The following LRBA variants were observed in gnomAD, a reference collection of about 807,000 sequenced individuals.
LRBA encodes lipopolysaccharide-responsive and beige-like anchor protein.
Under a neutral mutation model 330.0 loss-of-function variants are expected in LRBA, and 176 were observed. The observed-to-expected ratio is 0.53, with a 90% CI of 0.47 to 0.60. LRBA has a LOEUF of 0.60. LRBA is among the 20% of genes least tolerant of loss of function. The pLI, the probability that LRBA is intolerant of heterozygous loss-of-function variation, is 0.00. For missense variants in LRBA, 3,259 were observed against 3,444.8 expected, an observed-to-expected ratio of 0.95 and a Z score of 1.35; for synonymous variants, 1,230 against 1,193.0, an observed-to-expected ratio of 1.03 and a Z score of -0.64.
At chr4:150,919,781 G>A (rs528660332) in intron 5 of LRBA, among the ~76,000 whole-genome samples, 2 of 152,194 alleles carry the variant, frequency 1.3e-5, no homozygotes, top group Non-Finnish European at 2.9e-5. Flanking sequence ...TTTAAGGAAA[G>A]GAAGTCACTA....
Position 150,467,704 on chromosome 4 carries a change from G to C in LRBA, c.6749C>G (p.Thr2250Ser). 6.2e-7 allele frequency: 1 copy of C among 1,606,688 alleles called. No homozygotes were observed. The highest frequency in any genetic ancestry group is 8.5e-7 in the Non-Finnish European group (1 of 1,174,714). Reference protein sequence around the residue: ...TNYESEELDLTLPTNFRDLSK... With the variant: ...TNYESEELDLSLPTNFRDLSK... ...CAAATCTCTGAAGTTGGTGGGCAAG[G>C]TAAGATCCAGTTCTTCTGATTCATA... Residue 2250 changes from threonine to serine, a missense_variant, in exon 44 of 57, where the codon ACC becomes AGC. By Grantham distance (58) the Thr-to-Ser change is moderately conservative. Transcript: ENST00000651943.
rs70937395 is a variant in LRBA at position 150,371,182 on chromosome 4, A to ATTTTTTTTTTTTTTTT, written c.7195-21039_7195-21024dup. On this transcript the variant is annotated intron_variant, in intron 47 of 56. Coordinates refer to ENST00000651943, the MANE Select transcript of LRBA (RefSeq NM_001364905.1). ...AAAAGCATGAGCTGCAAGCTACTAA[A>ATTTTTTTTTTTTTTTT]TTTTTTTTTTTTTTTTTTTTTTTTT... Among the ~76,000 whole-genome samples the ATTTTTTTTTTTTTTTT allele has an allele frequency of 1.5e-4, 14 of 91,926 alleles. 1 individual carries two copies. Among genetic ancestry groups the ATTTTTTTTTTTTTTTT allele is most frequent in the African/African-American group, 3.8e-4 (8 of 20,826 alleles). 60.3% of individuals were successfully genotyped at this position (91,926 alleles called of 152,430 possible). A position where few individuals can be genotyped will look rare whatever the true frequency, so the allele number is the denominator to read the frequency against.
chr4:150,831,715 G>A lies in LRBA; in HGVS notation c.4729+102C>T, dbSNP rs957875649. 6.7e-6 allele frequency: 6 copies of A among 894,668 alleles called. No individual in the cohort carries two copies. In the African/African-American group the frequency reaches 1.0e-4, roughly 16 times the overall value. 55.4% of individuals were successfully genotyped at this position (894,668 alleles called of 1,614,324 possible). On this transcript the variant is annotated intron_variant, in intron 29 of 56. Transcript: ENST00000651943. ...ATATATGTATGCTCTCCCTTAATTT[G>A]CACAGAAATGGATTTAAATTCCAAT...
At chr4:150,723,310 A>G (rs1729186524) in intron 36 of LRBA, among the ~76,000 whole-genome samples, 1 of 152,170 alleles carries the variant, frequency 6.6e-6, no homozygotes, top group Non-Finnish European at 1.5e-5. Flanking sequence ...CTTCTGCTTA[A>G]TGAGAGGAGA....
chr4:150,384,166 G>A (rs1292065679), intron 47 of LRBA, among the ~76,000 whole-genome samples: 1 of 151,982 alleles, frequency 6.6e-6, no homozygotes, highest in Admixed American at 6.6e-5. Flanking sequence ...AGTCTTCCGA[G>A]TAGCTGGGAT....
intron 37 of LRBA, among the ~76,000 whole-genome samples, chr4:150,613,618 A>AT (rs377570477): frequency 1.3e-5 from 2 of 152,112 alleles, no homozygotes; most frequent in Non-Finnish European, 1.5e-5. Flanking sequence ...CCTATGTGTG[A>AT]TTTTTTTCAG....
intron 37 of LRBA, among the ~76,000 whole-genome samples, chr4:150,616,999 C>T (rs1192430693): frequency 6.6e-6 from 1 of 152,170 alleles, no homozygotes; most frequent in East Asian, 1.9e-4. Context: ...GTTCATTAAC[C>T]TGCAAAGGCA....
At chr4:150,609,218 G>C (rs116090875) in intron 37 of LRBA, among the ~76,000 whole-genome samples, 1 of 152,192 alleles carries the variant, frequency 6.6e-6, no homozygotes, top group South Asian at 2.1e-4. Flanking sequence ...TCTCAGCAGC[G>C]ATTGGTTCAG....
chr4:150,578,897 T>C (rs1770869470), intron 40 of LRBA, among the ~76,000 whole-genome samples: 1 of 152,254 alleles, frequency 6.6e-6, no homozygotes, highest in African/African-American at 2.4e-5. Context: ...GGCTGAAGCA[T>C]GCCAATGTTG....
chr4:150,268,803 GA>G (rs1038668493), intron 56 of LRBA, among the ~76,000 whole-genome samples: 1 of 152,078 alleles, frequency 6.6e-6, no homozygotes, highest in African/African-American at 2.4e-5. Flanking sequence ...CACACTCGAT[GA>G]AAAAAAGTTT....
chr4:150,290,926 C>T (rs1280538770), intron 53 of LRBA, among the ~76,000 whole-genome samples: 2 of 152,220 alleles, frequency 1.3e-5, no homozygotes, highest in African/African-American at 4.8e-5. Context: ...ATACTAACCA[C>T]TTAGCATTTA....
chr4:150,921,350 C>A, intron 4 of LRBA, 57 bp from the exon 5 acceptor site: 1 of 1,014,050 alleles, frequency 9.9e-7, no homozygotes, highest in Non-Finnish European at 1.6e-6. Context: ...ATAAAAAAAA[C>A]ACATCTTTAA....
At chr4:150,305,812 T>C (rs577089656) in intron 52 of LRBA, among the ~76,000 whole-genome samples, 1 of 152,320 alleles carries the variant, frequency 6.6e-6, no homozygotes, top group Non-Finnish European at 1.5e-5. Context: ...TTTCCTGTTC[T>C]GGCAGCCTTC....
chr4:150,468,167 T>C (rs952859558), intron 43 of LRBA, among the ~76,000 whole-genome samples: 2 of 152,072 alleles, frequency 1.3e-5, no homozygotes, highest in Non-Finnish European at 2.9e-5. Flanking sequence ...AAAAGCTATT[T>C]GTAATTCTCA....
chr4:150,754,440 A>T (rs1248830081), intron 35 of LRBA, among the ~76,000 whole-genome samples: 1 of 147,808 alleles, frequency 6.8e-6, no homozygotes, highest in Non-Finnish European at 1.5e-5. Flanking sequence ...ACAATCCAGG[A>T]TTGAAGTAAA....
chr4:150,572,075 T>C (rs1351546118), intron 40 of LRBA, among the ~76,000 whole-genome samples: 1 of 152,086 alleles, frequency 6.6e-6, no homozygotes, highest in Non-Finnish European at 1.5e-5. Context: ...TGTAACACTT[T>C]TGTGTTTACA....
rs561142629 is a variant in LRBA at position 150,480,999 on chromosome 4, C to G, written c.6551+6733G>C. 2.6e-4 allele frequency among the ~76,000 whole-genome samples: 40 copies of G among 152,268 alleles called. No individual in the cohort carries two copies. In the South Asian group the frequency reaches 8.3e-3, roughly 32 times the overall value. On this transcript the variant is annotated intron_variant, in intron 42 of 56. Transcript: ENST00000651943. ...CCTATCATCTCTCCCTCCCCACTAC[C>G]CTTTTGATCCTCGAGTATCCACTGT...
In LRBA at chr4:150,900,030, A is replaced by T. The variant is rs1730546721; in HGVS notation, c.1924+19T>A. 6.3e-7 allele frequency: 1 copy of T among 1,585,648 alleles called. No individual in the cohort carries two copies. Among genetic ancestry groups the T allele is most frequent in the African/African-American group, 1.3e-5 (1 of 74,200 alleles). On this transcript the variant is annotated intron_variant, in intron 14 of 56. Coordinates refer to ENST00000651943, the MANE Select transcript of LRBA (RefSeq NM_001364905.1). ...GATTTGCATTTGTGTAAAGTAATAT[A>T]CAGACAGAAATTATATACCTAATCC...
intron 5 of LRBA, among the ~76,000 whole-genome samples, chr4:150,917,712 C>T (rs1454947287): frequency 2.0e-5 from 3 of 151,950 alleles, no homozygotes; most frequent in African/African-American, 4.8e-5. Context: ...AGATCATCTG[C>T]GGTCAGGAGT....
Sources: gnomAD v4.1 joint callset for allele counts (sites outside exome capture counted in the v4.1 genomes callset) on GRCh38, gnomAD v4.1.1 for gene constraint, MANE v1.5 for transcripts, NCBI Gene and HGNC (gene_info 2026-07-23, HGNC 2026-07-21) for gene names.